RNF216: variants seen among roughly 807,000 people sequenced by gnomAD.
RNF216 encodes ring finger protein 216, also known as E3 ubiquitin-protein ligase RNF216.
A neutral mutation model predicts 110.8 loss-of-function variants in RNF216; 72 were observed. That is an observed-to-expected ratio of 0.65 (90% confidence interval 0.54 to 0.79). The LOEUF is 0.79. Among genes scored for constraint, RNF216 ranks in the 30% least tolerant of loss-of-function variants. The pLI is 0.00. For synonymous variants in RNF216, 495 were observed against 407.5 expected (o/e 1.21, Z -2.59); for missense variants, 1,342 against 1,141.2 (o/e 1.18, Z -2.54).
chr7:5,728,374 G>C (rs1793886271), intron 7 of RNF216, among the ~76,000 whole-genome samples: 1 of 151,992 alleles, frequency 6.6e-6, no homozygotes, highest in African/African-American at 2.4e-5. Context: ...GAGGTCAGGA[G>C]TTGCTGACCA....
rs1415683141 is a variant in RNF216 at position 5,680,369 on chromosome 7, G to A, written c.2062-27859C>T. On this transcript the variant is annotated intron_variant, in intron 13 of 16. Transcript: ENST00000389902. The surrounding 1 kb of genome is among the most constrained non-coding windows in gnomAD (Gnocchi z 4.3). ...AGTCTCCTACCCGAGTCCTCCACGT[G>A]GTGGGCTTGTCAGCTCACTGGTTAC... The A allele has an allele frequency of 6.6e-6, 1 of 152,204 alleles. No homozygotes were observed. Among genetic ancestry groups the A allele is most frequent in the Non-Finnish European group, 1.5e-5 (1 of 68,058 alleles). 9.4% of individuals were successfully genotyped at this position (152,204 alleles called of 1,614,324 possible).
chr7:5,776,998 G>A (rs1441820362), intron 1 of RNF216, among the ~76,000 whole-genome samples: 4 of 152,020 alleles, frequency 2.6e-5, no homozygotes, highest in East Asian at 1.9e-4. Flanking sequence ...GAGAAAGAGC[G>A]AGTGAGCACA....
chr7:5,746,622 G>A (rs1220214429), intron 3 of RNF216, among the ~76,000 whole-genome samples: 1 of 152,130 alleles, frequency 6.6e-6, no homozygotes, highest in East Asian at 1.9e-4. Flanking sequence ...AGGACATCTT[G>A]GAGCCAACGT....
chr7:5,745,262 T>C (rs1290984800), intron 3 of RNF216, among the ~76,000 whole-genome samples: 1 of 152,180 alleles, frequency 6.6e-6, no homozygotes, highest in African/African-American at 2.4e-5. Flanking sequence ...GATGCTGAAA[T>C]TGAATGTAAC....
At chr7:5,670,548 T>C (rs1181062165) in intron 13 of RNF216, among the ~76,000 whole-genome samples, 2 of 152,212 alleles carry the variant, frequency 1.3e-5, no homozygotes, top group Non-Finnish European at 2.9e-5. Flanking sequence ...ATTCCATCAT[T>C]TCACAGAAAT....
chr7:5,656,071 C>G (rs1052783361), intron 13 of RNF216, among the ~76,000 whole-genome samples: 8 of 152,144 alleles, frequency 5.3e-5, no homozygotes, highest in Non-Finnish European at 8.8e-5. Context: ...GAGTTTGAGA[C>G]CAGCCTGGGC....
chr7:5,720,793 G>C (rs1371327677), intron 9 of RNF216, among the ~76,000 whole-genome samples: 1 of 152,158 alleles, frequency 6.6e-6, no homozygotes, highest in African/African-American at 2.4e-5. Context: ...GCTGAGGGAG[G>C]AGGTAAAATA....
intron 1 of RNF216, among the ~76,000 whole-genome samples, chr7:5,769,958 C>A (rs1209003413): frequency 1.6e-5 from 2 of 126,394 alleles, no homozygotes; most frequent in Non-Finnish European, 3.1e-5. Flanking sequence ...ACCCAGGAGG[C>A]CAAGTTGCAG....
intron 1 of RNF216, among the ~76,000 whole-genome samples, chr7:5,778,817 C>CACTGCA: frequency 6.6e-6 from 1 of 152,352 alleles, no homozygotes; most frequent in Admixed American, 6.5e-5. Context: ...AATCTCGGAT[C>CACTGCA]ACTGCAACCT....
chr7:5,674,656 T>G (rs903504344), intron 13 of RNF216, among the ~76,000 whole-genome samples: 1 of 147,768 alleles, frequency 6.8e-6, no homozygotes, highest in Non-Finnish European at 1.5e-5. Flanking sequence ...ATGAAAAAAG[T>G]CAGCTGGGAA....
intron 1 of RNF216, among the ~76,000 whole-genome samples, chr7:5,777,132 C>T (rs73343321): frequency 1.5e-3 from 220 of 149,710 alleles, no homozygotes; most frequent in African/African-American, 5.2e-3. Flanking sequence ...GGAGCCCGGC[C>T]TTCCAGCAGT....
chr7:5,773,320 G>A (rs932344401), intron 1 of RNF216, among the ~76,000 whole-genome samples: 3 of 150,588 alleles, frequency 2.0e-5, no homozygotes, highest in Admixed American at 6.6e-5. Context: ...TCAGCTCACT[G>A]CAACCTCCAC....
chr7:5,721,355 C>T (rs1002335235), intron 8 of RNF216, among the ~76,000 whole-genome samples, 183 bp from the exon 9 acceptor site: 1 of 152,176 alleles, frequency 6.6e-6, no homozygotes, highest in Non-Finnish European at 1.5e-5. Context: ...ACCTACCATC[C>T]ATTTTTTGAC....
chr7:5,640,761 A>G (rs1364423953), intron 15 of RNF216, among the ~76,000 whole-genome samples: 1 of 152,206 alleles, frequency 6.6e-6, no homozygotes, highest in Non-Finnish European at 1.5e-5. Flanking sequence ...ATAATTTAAA[A>G]TCTAGATTAT....
chr7:5,658,447 A>AG (rs1482882416), intron 13 of RNF216, among the ~76,000 whole-genome samples: 8 of 152,098 alleles, frequency 5.3e-5, no homozygotes, highest in African/African-American at 1.7e-4. Context: ...ACGTAAGCCC[A>AG]GGAGTTTGAG....
At chr7:5,707,554 A>T (rs1792370456) in intron 13 of RNF216, among the ~76,000 whole-genome samples, 1 of 152,060 alleles carries the variant, frequency 6.6e-6, no homozygotes, top group Admixed American at 6.5e-5. Context: ...TATGTATAAG[A>T]TCATGTTATC....
intron 1 of RNF216, among the ~76,000 whole-genome samples, chr7:5,774,149 T>A (rs927266194): frequency 6.6e-6 from 1 of 150,566 alleles, no homozygotes; most frequent in Non-Finnish European, 1.5e-5. Context: ...AGTCTTTTAA[T>A]CTGGGCTTCG....
intron 2 of RNF216, among the ~76,000 whole-genome samples, chr7:5,760,755 G>A (rs778415011): frequency 9.9e-5 from 15 of 152,150 alleles, no homozygotes; most frequent in Admixed American, 2.6e-4. Flanking sequence ...CTCAATGACT[G>A]CATATTAACA....
intron 1 of RNF216, among the ~76,000 whole-genome samples, chr7:5,768,827 AT>A (rs1469347636): frequency 6.7e-6 from 1 of 150,170 alleles, no homozygotes; most frequent in East Asian, 2.0e-4. Flanking sequence ...ACGCCCGGCT[AT>A]TTTTTTGTAT....
Sources: allele counts gnomAD v4.1 joint callset (sites outside exome capture counted in the v4.1 genomes callset), GRCh38; gene constraint gnomAD v4.1.1; non-coding constraint Gnocchi (gnomAD v3.1); transcripts MANE v1.5; gene names NCBI Gene and HGNC (gene_info 2026-07-23, HGNC 2026-07-21).